Variants in METTL15 observed in about 807,000 individuals in gnomAD.
METTL15 encodes methyltransferase 15, mitochondrial 12S rRNA N4-cytidine.
In METTL15, 34 loss-of-function variants were observed where a neutral mutation model predicts 38.3. That is an observed-to-expected ratio of 0.89 (90% confidence interval 0.68 to 1.18). The LOEUF is 1.18. Ranked by LOEUF, METTL15 falls within the 50% of genes most tolerant of loss-of-function variation. The probability of loss-of-function intolerance (pLI) is 0.00; values close to 1 mark genes in which losing one functional copy is unlikely to be tolerated. For synonymous variants in METTL15, 162 were observed against 170.9 expected, an observed-to-expected ratio of 0.95 and a Z score of 0.41; for missense variants, 438 against 498.4, an observed-to-expected ratio of 0.88 and a Z score of 1.15.
intron 5 of METTL15, among the ~76,000 whole-genome samples, chr11:28,386,986 T>C (rs989319685): frequency 6.6e-6 from 1 of 151,864 alleles, no homozygotes; most frequent in Non-Finnish European, 1.5e-5. Flanking sequence ...AACAAGGGAA[T>C]TCAAAAATAT....
chr11:28,208,111 C>T (rs1425657498), intron 3 of METTL15, among the ~76,000 whole-genome samples: 3 of 152,076 alleles, frequency 2.0e-5, no homozygotes, highest in Non-Finnish European at 2.9e-5. Flanking sequence ...CTATTTCCTT[C>T]AGTTCTGCTC....
chr11:28,197,604 C>T (rs1454906871), intron 3 of METTL15: 8 of 349,008 alleles, frequency 2.3e-5, no homozygotes, highest in East Asian at 2.3e-4. Flanking sequence ...GCCTTTTCTA[C>T]GTCTGAAACT....
rs200991639 is a variant in METTL15, at chr11:28,376,551, A to C, written c.*358+14515A>C. On this transcript the variant is annotated intron_variant and NMD_transcript_variant, in intron 5 of 7. Transcript: ENST00000532947. ...TCCTGCATCCTTTTATTTTGAGCCT[A>C]TGTGTGTCTCTGCACGTGAGATGGG... 2.3e-4 allele frequency among the ~76,000 whole-genome samples: 35 copies of C among 152,154 alleles called. No individual in the cohort carries two copies. The East Asian group carries it at 6.8e-3, about 29-fold the overall frequency.
intron 6 of METTL15, among the ~76,000 whole-genome samples, chr11:28,324,851 T>C (rs1048888751): frequency 6.6e-6 from 1 of 152,152 alleles, no homozygotes; most frequent in Non-Finnish European, 1.5e-5. Context: ...ATCGGGGCCG[T>C]AGGCAGGTGA....
intron 6 of METTL15, among the ~76,000 whole-genome samples, chr11:28,479,274 G>A (rs995631281): frequency 4.6e-5 from 7 of 152,078 alleles, no homozygotes; most frequent in African/African-American, 1.2e-4. Context: ...AAAGATAGAA[G>A]CCCTGCCCTT....
chr11:28,467,665 T>C (rs1851268157), intron 6 of METTL15, among the ~76,000 whole-genome samples: 1 of 152,168 alleles, frequency 6.6e-6, no homozygotes, highest in Admixed American at 6.5e-5. Context: ...GTACTGAGTG[T>C]CTTCTCTGTA....
At chr11:28,511,663 C>T (rs1159816354) in intron 6 of METTL15, among the ~76,000 whole-genome samples, 1 of 152,050 alleles carries the variant, frequency 6.6e-6, no homozygotes, top group Non-Finnish European at 1.5e-5. Context: ...GTTCGTTCCT[C>T]CTGGTGGGTT....
intron 5 of METTL15, 46 bp from the exon 6 acceptor site, chr11:28,296,707 A>G (rs1420525699): frequency 6.3e-7 from 1 of 1,598,014 alleles, no homozygotes; most frequent in South Asian, 1.1e-5. Context: ...ACGTCTTGTC[A>G]ATGAGAACTG....
In METTL15 at chr11:28,299,659, A is replaced by T. The variant is rs555544676; in HGVS notation, c.778+2728A>T. 5.9e-5 allele frequency among the ~76,000 whole-genome samples: 9 copies of T among 152,254 alleles called. No homozygotes were observed. The South Asian group carries it at 1.9e-3, about 32-fold the overall frequency. On this transcript the variant is annotated intron_variant, in intron 6 of 6. Coordinates refer to ENST00000407364, the MANE Select transcript of METTL15 (RefSeq NM_001113528.2). ...AGTCCAATAAATCAAGAGGTACTAC[A>T]TAAAGAAAATATGAGACACAATTGG...
intron 5 of METTL15, among the ~76,000 whole-genome samples, chr11:28,381,916 C>CTT (rs772753660): frequency 4.1e-5 from 6 of 145,792 alleles, no homozygotes; most frequent in South Asian, 2.1e-4. Context: ...TTCCTGTTTC[C>CTT]TTTTTTTTTT....
At chr11:28,258,967 C>T (rs942758776) in intron 4 of METTL15, among the ~76,000 whole-genome samples, 1 of 152,126 alleles carries the variant, frequency 6.6e-6, no homozygotes, top group Non-Finnish European at 1.5e-5. Flanking sequence ...ATAGCCAGTA[C>T]AGCTGGGAAT....
intron 6 of METTL15, among the ~76,000 whole-genome samples, chr11:28,304,768 T>G (rs1857024178): frequency 6.6e-6 from 1 of 152,138 alleles, no homozygotes. Flanking sequence ...CATTATCTTT[T>G]AGTTGGAACA....
chr11:28,388,066 A>G (rs550546388), intron 5 of METTL15, among the ~76,000 whole-genome samples: 11 of 152,220 alleles, frequency 7.2e-5, no homozygotes, highest in Non-Finnish European at 1.2e-4. Flanking sequence ...AATAAATGCC[A>G]TATATAAACA....
intron 6 of METTL15, among the ~76,000 whole-genome samples, chr11:28,440,413 G>A (rs1851024343): frequency 6.6e-6 from 1 of 151,994 alleles, no homozygotes; most frequent in Non-Finnish European, 1.5e-5. Flanking sequence ...TGGCATTTTT[G>A]TCAGGAAAAA....
intron 4 of METTL15, among the ~76,000 whole-genome samples, chr11:28,233,868 T>A (rs1213852852): frequency 1.3e-5 from 2 of 151,888 alleles, no homozygotes; most frequent in African/African-American, 4.8e-5. Context: ...GTTAGTTACA[T>A]ATGTATACAT....
intron 2 of METTL15, 56 bp from the exon 3 acceptor site, chr11:28,113,262 T>G: frequency 8.3e-7 from 1 of 1,199,796 alleles, no homozygotes; most frequent in African/African-American, 1.5e-5. Context: ...TTTCCCCAAG[T>G]ATTAGAACAT....
intron 3 of METTL15, among the ~76,000 whole-genome samples, chr11:28,194,150 T>TTCTTTCTTTCTTTCTTTC (rs1851810333): frequency 8.8e-6 from 1 of 113,146 alleles, no homozygotes; most frequent in Non-Finnish European, 1.8e-5. Context: ...CTTTCTTTCT[T>TTCTTTCTTTCTTTCTTTC]TCTTTCTTTC....
chr11:28,518,862 AG>A (rs1851740943), intron 6 of METTL15, among the ~76,000 whole-genome samples: 1 of 152,212 alleles, frequency 6.6e-6, no homozygotes, highest in East Asian at 1.9e-4. Context: ...TTTAACTGTG[AG>A]GCTATGGGGT....
At chr11:28,497,696 GCAGA>G (rs1851547407) in intron 6 of METTL15, among the ~76,000 whole-genome samples, 1 of 152,160 alleles carries the variant, frequency 6.6e-6, no homozygotes, top group African/African-American at 2.4e-5. Flanking sequence ...ATCCTCTAGA[GCAGA>G]CAGACAATGT....
Sources: gnomAD v4.1 joint callset for allele counts (sites outside exome capture counted in the v4.1 genomes callset) on GRCh38, gnomAD v4.1.1 for gene constraint, MANE v1.5 for transcripts, NCBI Gene and HGNC (gene_info 2026-07-23, HGNC 2026-07-21) for gene names.